Variants in FARP1 observed in about 807,000 individuals in gnomAD.
FARP1 encodes FERM, ARH/RhoGEF and pleckstrin domain protein 1.
A neutral mutation model predicts 128.8 loss-of-function variants in FARP1; 52 were observed. The observed-to-expected ratio is 0.40, with a 90% CI of 0.32 to 0.51. The LOEUF (loss-of-function observed/expected upper bound fraction) is 0.51. Among genes scored for constraint, FARP1 ranks in the 20% least tolerant of loss-of-function variants. FARP1 has a pLI of 0.45. For missense variants in FARP1, 1,333 were observed against 1,367.9 expected (o/e 0.97, Z 0.40); for synonymous variants, 580 against 551.8 (o/e 1.05, Z -0.72).
intron 2 of FARP1, among the ~76,000 whole-genome samples, chr13:98,314,608 C>T (rs1422799824): frequency 6.6e-6 from 1 of 152,106 alleles, no homozygotes; most frequent in African/African-American, 2.4e-5. Flanking sequence ...TTTATAATTT[C>T]AAGACGGCTC....
chr13:98,259,027 G>A (rs545427258), intron 2 of FARP1, among the ~76,000 whole-genome samples: 2 of 152,104 alleles, frequency 1.3e-5, no homozygotes, highest in Non-Finnish European at 2.9e-5. Flanking sequence ...GGGCAACATA[G>A]TGAGACCCTG....
rs1331274277 is a variant in FARP1 at position 98,371,362 on chromosome 13, C to A, written c.398+3167C>A. Among the ~76,000 whole-genome samples the A allele has an allele frequency of 2.0e-5, 3 of 152,076 alleles. No individual in the cohort carries two copies. The East Asian group carries it at 5.8e-4, about 29-fold the overall frequency. ...CTCCATACAGCTGGTTACCATCGAG[C>A]CGCATGTGCCTGGTACATTGCCAGC... is the stretch of plus-strand genomic sequence containing the variant. On this transcript the variant is annotated intron_variant, in intron 5 of 26. Coordinates refer to ENST00000319562, the MANE Select transcript of FARP1 (RefSeq NM_005766.4).
chr13:98,244,691 GCTT>G (rs1326062347), intron 2 of FARP1: 4 of 1,613,850 alleles, frequency 2.5e-6, no homozygotes, highest in Admixed American at 3.3e-5. Context: ...TCACTGAAGA[GCTT>G]CTTAATCTTT....
intron 2 of FARP1, among the ~76,000 whole-genome samples, chr13:98,307,196 G>A (rs1886204992): frequency 6.6e-6 from 1 of 152,360 alleles, no homozygotes; most frequent in South Asian, 2.1e-4. Context: ...CAAAGGATGA[G>A]AGGTTTACCT....
intron 2 of FARP1, among the ~76,000 whole-genome samples, chr13:98,330,628 G>C (rs1468044778): frequency 6.6e-6 from 1 of 151,934 alleles, no homozygotes; most frequent in African/African-American, 2.4e-5. Context: ...GGTGGCAGGC[G>C]CCTGTAATCC....
intron 11 of FARP1, among the ~76,000 whole-genome samples, chr13:98,392,922 C>G (rs1215321709): frequency 6.6e-6 from 1 of 151,986 alleles, no homozygotes; most frequent in Non-Finnish European, 1.5e-5. Context: ...CCAGTTCTCT[C>G]TCTGATTCAG....
chr13:98,305,030 G>C (rs780569292), intron 2 of FARP1, among the ~76,000 whole-genome samples: 4 of 152,176 alleles, frequency 2.6e-5, no homozygotes, highest in Non-Finnish European at 5.9e-5. Context: ...GCAAGAGAGA[G>C]AGAGAGAGGA....
In FARP1 at chr13:98,446,678, C is replaced by T. The variant is rs1892859416; in HGVS notation, c.2917C>T (p.Leu973Phe). ...FYKSHQDNHP[L>F]ASLPLLGYSL... ...TTCCCCTTTCCAGGACAATCATCCC[C>T]TTGCCAGCCTGCCTCTGCTCGGCTA... The change falls in exon 26 of 27, where the codon CTT becomes TTT. Residue 973 changes from leucine (L) to phenylalanine (F), a missense_variant. Transcript: ENST00000319562. 2 of 1,614,026 alleles carry T rather than the reference C, an allele frequency of 1.2e-6. No homozygotes were observed. Among genetic ancestry groups the T allele is most frequent in the Non-Finnish European group, 1.7e-6 (2 of 1,180,026 alleles).
At chr13:98,319,008 G>C (rs1886873700) in intron 2 of FARP1, among the ~76,000 whole-genome samples, 1 of 145,322 alleles carries the variant, frequency 6.9e-6, no homozygotes, top group Admixed American at 7.1e-5. Context: ...TGTTGCCCAG[G>C]CTAGAGTGCA....
At chr13:98,416,985 G>T (rs12864893) in intron 16 of FARP1, among the ~76,000 whole-genome samples, 8,091 of 152,248 alleles carry the variant, frequency 0.053, 296 homozygotes, top group Non-Finnish European at 0.084. Context: ...GCGGGAGACT[G>T]GCTGGGAGGA....
intron 2 of FARP1, among the ~76,000 whole-genome samples, chr13:98,319,489 A>G (rs1247384068): frequency 6.6e-6 from 1 of 152,102 alleles, no homozygotes; most frequent in Non-Finnish European, 1.5e-5. Flanking sequence ...GCGTGGTAGC[A>G]GGCACCTGTA....
intron 1 of FARP1, among the ~76,000 whole-genome samples, chr13:98,177,531 C>T (rs1466350260): frequency 2.0e-5 from 3 of 151,992 alleles, no homozygotes; most frequent in African/African-American, 7.2e-5. Context: ...CCTGAAGTCC[C>T]AGCTACTAGG....
intron 1 of FARP1, chr13:98,208,661 G>A (rs780723343): frequency 1.3e-5 from 2 of 152,918 alleles, no homozygotes; most frequent in Non-Finnish European, 2.9e-5. Context: ...TGAGGAAGGT[G>A]AGTGTGGGAG....
intron 2 of FARP1, chr13:98,332,663 G>A (rs1887560678): frequency 6.6e-6 from 1 of 151,982 alleles, no homozygotes; most frequent in Non-Finnish European, 1.5e-5. Flanking sequence ...CCTTCTAAGG[G>A]GTAAGAAAAT....
intron 2 of FARP1, among the ~76,000 whole-genome samples, chr13:98,281,372 GA>G (rs35996699): frequency 0.49 from 72,591 of 148,822 alleles, 17,665 homozygotes; most frequent in South Asian, 0.69. Flanking sequence ...GTCTTGGAGG[GA>G]AAAAAAAAAA....
chr13:98,330,318 G>A (rs1164273029), intron 2 of FARP1, among the ~76,000 whole-genome samples: 2 of 152,120 alleles, frequency 1.3e-5, no homozygotes, highest in East Asian at 1.9e-4. Context: ...GAGTAGGGGA[G>A]TGACATGTCT....
At chr13:98,342,278 A>G (rs1382216325) in intron 2 of FARP1, among the ~76,000 whole-genome samples, 1 of 152,222 alleles carries the variant, frequency 6.6e-6, no homozygotes, top group Non-Finnish European at 1.5e-5. Flanking sequence ...TGTCCACATA[A>G]AACCTGTCCA....
chr13:98,350,489 ATCAT>A (rs1888371022), intron 3 of FARP1, among the ~76,000 whole-genome samples: 1 of 152,078 alleles, frequency 6.6e-6, no homozygotes, highest in Non-Finnish European at 1.5e-5. Context: ...TCAATCCATT[ATCAT>A]TCATTCACTG....
chr13:98,448,444 C>CCTGT lies in FARP1; in HGVS notation c.*130_*133dup. On this transcript the variant is annotated 3_prime_UTR_variant, in exon 27 of 27. Transcript: ENST00000319562. ...AAAAACATGGCTTCCCAGCAGCTCT[C>CCTGT]CTGTCTCCACAGCCGCGTTTTTTAA... 1 of 772,376 alleles carries CCTGT rather than the reference C, an allele frequency of 1.3e-6. No homozygotes were observed. The highest frequency in any genetic ancestry group is 2.2e-6 in the Non-Finnish European group (1 of 452,442). The allele number at this position is 772,376 out of a possible 1,614,324, so 47.8% of individuals were successfully genotyped here.
Sources: gnomAD v4.1 joint callset for allele counts (sites outside exome capture counted in the v4.1 genomes callset) on GRCh38, gnomAD v4.1.1 for gene constraint, MANE v1.5 for transcripts, NCBI Gene and HGNC (gene_info 2026-07-23, HGNC 2026-07-21) for gene names.